AHNAK: variants seen among roughly 807,000 people sequenced by gnomAD.
AHNAK encodes the protein neuroblast differentiation-associated protein AHNAK.
AHNAK carries 23 observed loss-of-function variants against 37.8 expected under a neutral mutation model. The ratio of observed to expected loss-of-function variants is 0.61; its 90% CI spans 0.44 to 0.86. The LOEUF (loss-of-function observed/expected upper bound fraction) is 0.86, where lower values mean the gene tolerates loss of function less well. Ranked by LOEUF, AHNAK falls within the 40% of genes least tolerant of loss-of-function variation. The pLI is 0.00. For synonymous variants in AHNAK, 2,481 were observed against 2,636.3 expected (o/e 0.94, Z 1.80); for missense variants, 7,411 against 7,319.4 (o/e 1.01, Z -0.46).
intron 5 of AHNAK, among the ~76,000 whole-genome samples, chr11:62,448,153 C>T (rs565680737): frequency 6.6e-6 from 1 of 152,094 alleles, no homozygotes; most frequent in East Asian, 1.9e-4. Context: ...CAAAAGGAAG[C>T]CAGTGAGGCT....
In AHNAK at chr11:62,438,500, T is replaced by A. The variant is rs150747582; in HGVS notation, c.443-4609A>T. ...TGGCCTCTTTTTCTCATTTTTTTAA[T>A]TGGGTCATTTTTAGTTTTCTTATTG... On this transcript the variant is annotated intron_variant, in intron 5 of 5. Transcript: ENST00000257247. Among the ~76,000 whole-genome samples, 868 of 152,208 alleles carry A rather than the reference T, an allele frequency of 5.7e-3. 8 individuals are homozygous for A. The highest frequency in any genetic ancestry group is 0.02 in the African/African-American group (831 of 41,532).
chr11:62,521,916 G>A lies in AHNAK; in HGVS notation c.12501C>T (p.Gly4167=), dbSNP rs1273857224. The A allele has an allele frequency of 1.1e-5, 18 of 1,613,390 alleles. No homozygotes were observed. The highest frequency in any genetic ancestry group is 1.5e-5 in the Non-Finnish European group (18 of 1,179,860). Reference sequence around the variant, plus strand: ...CTGGGACATCAATGTCCACTTTGGGGCCCTTGATGTCAACTTCAGGGCCCT... The same window carrying A: ...CTGGGACATCAATGTCCACTTTGGGACCCTTGATGTCAACTTCAGGGCCCT... ...DLKGPEVDIK[G]PKVDIDVPDV... is the part of the protein sequence containing the mutation. Residue 4167 remains glycine (G), a synonymous_variant, in exon 5 of 5, where the codon GGC becomes GGT. Coordinates refer to ENST00000378024, the MANE Select transcript of AHNAK (RefSeq NM_001620.3).
intron 5 of AHNAK, among the ~76,000 whole-genome samples, chr11:62,471,686 G>T (rs912857437): frequency 3.3e-5 from 5 of 152,142 alleles, no homozygotes; most frequent in African/African-American, 1.2e-4. Context: ...GGAAGGTGAG[G>T]TTCAGAGCCC....
chr11:62,542,086 T>C lies in AHNAK; in HGVS notation c.-100+4574A>G, dbSNP rs553738073. The C allele has an allele frequency of 2.0e-5, 3 of 152,424 alleles. No individual in the cohort carries two copies. The East Asian group carries it at 5.8e-4, about 29-fold the overall frequency. 9.4% of individuals were successfully genotyped at this position (152,424 alleles called of 1,614,324 possible). A position where few individuals can be genotyped will look rare whatever the true frequency, so the allele number is the denominator to read the frequency against. ...ATTACCAGGAAGAATTAGATGAACA[T>C]GTTGCAAAACACATGCAACTTGGGC... On this transcript the variant is annotated intron_variant, in intron 1 of 4. Transcript: ENST00000378024.
In AHNAK at chr11:62,523,368, G is replaced by T. The variant is rs755266471; in HGVS notation, c.11049C>A (p.Pro3683=). The T allele has an allele frequency of 6.2e-7, 1 of 1,612,638 alleles. No homozygotes were observed. The highest frequency in any genetic ancestry group is 8.5e-7 in the Non-Finnish European group (1 of 1,179,530). ...ACACAACCACATCACCCTTCATTTTGGGTCCCTTCAAGTTCAGGTCAAAGT... is the reference window on the plus strand; with the variant it reads ...ACACAACCACATCACCCTTCATTTTTGGTCCCTTCAAGTTCAGGTCAAAGT... The part of the protein sequence containing the change: ...MPDFDLNLKG[P]KMKGDVVVSL... The change falls in exon 5 of 5, where the codon CCC becomes CCA. Residue 3683 remains proline (P), a synonymous_variant. Coordinates refer to ENST00000378024, the MANE Select transcript of AHNAK (RefSeq NM_001620.3).
chr11:62,483,870 A>C (rs1444622365), intron 5 of AHNAK, among the ~76,000 whole-genome samples: 30 of 147,944 alleles, frequency 2.0e-4, no homozygotes, highest in African/African-American at 6.7e-4. Context: ...AAAAAAAAAA[A>C]AAACAAACTA....
In AHNAK at chr11:62,527,754, T is replaced by A; in HGVS notation, c.6663A>T (p.Arg2221Ser). ...GEMKVPDVDI[R>S]GPKVDIDAPD... ...GGGCATCAATGTCCACTTTGGGCCC[T>A]CTGATGTCAACATCTGGCACTTTCA... is the stretch of plus-strand genomic sequence containing the variant. Residue 2221 changes from arginine to serine, a missense_variant, in exon 5 of 5, where the codon AGA (arginine) becomes AGT (serine). Arg to Ser is a moderately radical substitution (Grantham distance 110). Transcript: ENST00000378024. 2.5e-6 allele frequency: 4 copies of A among 1,614,076 alleles called. No individual in the cohort carries two copies. Among genetic ancestry groups the A allele is most frequent in the Middle Eastern group, 1.6e-4 (1 of 6,062 alleles).
Position 62,521,819 on chromosome 11 carries a change from C to G in AHNAK, c.12598G>C (p.Gly4200Arg). Reference protein sequence around the residue: ...KVKMPKFSMPGFKGEGPDVDV... With the variant: ...KVKMPKFSMPRFKGEGPDVDV... ...ACATCTGGGCCCTCTCCTTTGAAGC[C>G]AGGCATGCTGAACTTGGGCATTTTC... The change falls in exon 5 of 5, where the codon GGC becomes CGC. Residue 4200 changes from glycine to arginine, a missense_variant. Coordinates refer to ENST00000378024, the MANE Select transcript of AHNAK (RefSeq NM_001620.3). The G allele has an allele frequency of 1.2e-6, 2 of 1,613,484 alleles. No individual in the cohort carries two copies. The highest frequency in any genetic ancestry group is 1.7e-6 in the Non-Finnish European group (2 of 1,179,912).
Position 62,532,791 on chromosome 11 carries a change from G to A in AHNAK, c.1626C>T (p.Asp542=). The change falls in exon 5 of 5, where the codon GAC becomes GAT. Residue 542 remains aspartate, a synonymous_variant. Coordinates refer to ENST00000378024, the MANE Select transcript of AHNAK (RefSeq NM_001620.3). ...TTCCCTCTAGGTTTGGTGTCTCTAT[G>A]TCCACTCTGGAGCCTTTAAGTGCCA... ...PQVALKGSRV[D]IETPNLEGTL... is the part of the protein sequence containing the mutation. 1 of 1,614,050 alleles carries A rather than the reference G, an allele frequency of 6.2e-7. No individual in the cohort carries two copies. Among genetic ancestry groups the A allele is most frequent in the Non-Finnish European group, 8.5e-7 (1 of 1,179,988 alleles).
intron 4 of AHNAK, among the ~76,000 whole-genome samples, chr11:62,497,136 T>C (rs971788808): frequency 6.6e-6 from 1 of 152,176 alleles, no homozygotes; most frequent in African/African-American, 2.4e-5. Context: ...AGGAAAAGGT[T>C]TGAAGATGGG....
chr11:62,503,424 A>G (rs1007668494), intron 4 of AHNAK, among the ~76,000 whole-genome samples: 15 of 152,096 alleles, frequency 9.9e-5, no homozygotes, highest in African/African-American at 3.6e-4. Flanking sequence ...TGTCTCTACT[A>G]AAAGAAAAAT....
chr11:62,520,057 T>C lies in AHNAK; in HGVS notation c.14360A>G (p.Lys4787Arg). The C allele has an allele frequency of 6.2e-7, 1 of 1,612,518 alleles. No individual in the cohort carries two copies. Among genetic ancestry groups the C allele is most frequent in the Non-Finnish European group, 8.5e-7 (1 of 1,179,594 alleles). ...TCCTTTGAAGCCAGGCATGCTGAAT[T>C]TGGGCATTTTCACCTTGGGCATCTT... ...HLKMPKVKMP[K>R]FSMPGFKGEG... The change falls in exon 5 of 5, where the codon AAA becomes AGA. Residue 4787 changes from lysine (K) to arginine (R), a missense_variant. Transcript: ENST00000378024.
intron 5 of AHNAK, among the ~76,000 whole-genome samples, chr11:62,461,143 C>CG (rs750135297): frequency 1.3e-5 from 1 of 79,838 alleles, no homozygotes; most frequent in Non-Finnish European, 2.3e-5. Flanking sequence ...CCAAATTCCC[C>CG]TTTTTTTTTT....
intron 5 of AHNAK, among the ~76,000 whole-genome samples, chr11:62,485,297 T>C (rs975148465): frequency 6.6e-6 from 1 of 151,618 alleles, no homozygotes; most frequent in African/African-American, 2.4e-5. Context: ...GCGGCTGAGG[T>C]GGGAGGAGTG....
At chr11:62,436,396 G>C (rs952809363) in intron 5 of AHNAK, among the ~76,000 whole-genome samples, 9 of 152,102 alleles carry the variant, frequency 5.9e-5, no homozygotes, top group Non-Finnish European at 1.3e-4. Context: ...CAACAGTGCA[G>C]AATATGGCAT....
chr11:62,449,923 T>G (rs1028277270), intron 5 of AHNAK, among the ~76,000 whole-genome samples: 3 of 151,880 alleles, frequency 2.0e-5, no homozygotes, highest in Non-Finnish European at 4.4e-5. Context: ...AAAACAAAAG[T>G]CAACTCGTGT....
At chr11:62,489,240 C>CAA (rs796392296) in intron 5 of AHNAK, among the ~76,000 whole-genome samples, 6 of 99,276 alleles carry the variant, frequency 6.0e-5, no homozygotes, top group Non-Finnish European at 1.1e-4. Context: ...GACTCCATCT[C>CAA]AAAAAAAAAA....
Position 62,503,308 on chromosome 11 carries a change from G to T in AHNAK, c.343-11477C>A, listed in dbSNP as rs1939747203. Among the ~76,000 whole-genome samples the T allele has an allele frequency of 2.0e-5, 3 of 152,362 alleles. No homozygotes were observed. The South Asian group carries it at 6.2e-4, about 32-fold the overall frequency. On this transcript the variant is annotated intron_variant, in intron 4 of 5. Coordinates refer to the AHNAK transcript ENST00000257247. ...GGAAACTGTAAAACAACGAAAGTGGGCTGGGCACGGTGGCTCACGCCTGTA... is the reference window on the plus strand; with the variant it reads ...GGAAACTGTAAAACAACGAAAGTGGTCTGGGCACGGTGGCTCACGCCTGTA...
chr11:62,518,856 G>C lies in AHNAK; in HGVS notation c.15561C>G (p.Phe5187Leu). Residue 5187 changes from phenylalanine (F) to leucine (L), a missense_variant, in exon 5 of 5, where the codon TTC becomes TTG. Coordinates refer to ENST00000378024, the MANE Select transcript of AHNAK (RefSeq NM_001620.3). ...GLDAKVKTPSFGISAPQVSIP... is the reference protein window; with the variant it reads ...GLDAKVKTPSLGISAPQVSIP... ...TGGAGACTTGAGGGGCAGAAATGCC[G>C]AAGGACGGTGTTTTGACTTTAGCAT... is the stretch of plus-strand genomic sequence containing the variant. 2 of 1,614,210 alleles carry C rather than the reference G, an allele frequency of 1.2e-6. No homozygotes were observed. Among genetic ancestry groups the C allele is most frequent in the Non-Finnish European group, 1.7e-6 (2 of 1,180,022 alleles).
Sources: gnomAD v4.1 joint callset for allele counts (sites outside exome capture counted in the v4.1 genomes callset) on GRCh38, gnomAD v4.1.1 for gene constraint, MANE v1.5 for transcripts, NCBI Gene and HGNC (gene_info 2026-07-23, HGNC 2026-07-21) for gene names.